The following CDH13 variants were observed in gnomAD, a reference collection of about 807,000 sequenced individuals.
CDH13 encodes the protein cadherin-13.
In CDH13, 24 loss-of-function variants were observed where a neutral mutation model predicts 63.8. The ratio of observed to expected loss-of-function variants is 0.38; its 90% CI spans 0.27 to 0.53. The LOEUF is 0.53. CDH13 is among the 20% of genes least tolerant of loss of function. The pLI, the probability that CDH13 is intolerant of heterozygous loss-of-function variation, is 0.85. For missense variants in CDH13, 1,049 were observed against 903.1 expected (o/e 1.16, Z -2.07); for synonymous variants, 503 against 355.3 (o/e 1.42, Z -4.67).
intron 13 of CDH13, among the ~76,000 whole-genome samples, chr16:83,788,620 C>T (rs1032194039): frequency 5.9e-5 from 9 of 152,182 alleles, no homozygotes; most frequent in African/African-American, 2.2e-4. Flanking sequence ...CTCAACTGAG[C>T]TCTTGGGTCA....
intron 10 of CDH13, among the ~76,000 whole-genome samples, chr16:83,698,803 T>G (rs1905774209): frequency 6.6e-6 from 1 of 152,224 alleles, no homozygotes; most frequent in Non-Finnish European, 1.5e-5. Context: ...ATAAACAATA[T>G]AGGTTTTATG....
At chr16:83,651,273 C>A (rs957902648) in intron 8 of CDH13, among the ~76,000 whole-genome samples, 1 of 152,140 alleles carries the variant, frequency 6.6e-6, no homozygotes, top group Non-Finnish European at 1.5e-5. Context: ...TTTCTTTGCT[C>A]ATGAAATTCC....
chr16:83,021,802 C>T (rs1047327645), intron 2 of CDH13, among the ~76,000 whole-genome samples: 2 of 152,190 alleles, frequency 1.3e-5, no homozygotes, highest in African/African-American at 4.8e-5. Context: ...CTTATAGAAG[C>T]TCTGCAATGT....
At chr16:82,931,755 A>G (rs2042502095) in intron 2 of CDH13, among the ~76,000 whole-genome samples, 2 of 152,194 alleles carry the variant, frequency 1.3e-5, no homozygotes, top group Admixed American at 1.3e-4. Flanking sequence ...CCCCTTATAG[A>G]AACATCAGAT....
intron 7 of CDH13, among the ~76,000 whole-genome samples, chr16:83,586,594 C>T (rs1022660342): frequency 1.1e-4 from 17 of 152,174 alleles, no homozygotes; most frequent in Non-Finnish European, 2.5e-4. Context: ...TGTTAAGAGG[C>T]TTAGCCCTTG....
At chr16:82,826,268 G>T (rs1018384588) in intron 1 of CDH13, 1 of 152,204 alleles carries the variant, frequency 6.6e-6, no homozygotes, top group African/African-American at 2.4e-5. Flanking sequence ...TCAGAGGGTT[G>T]CTTTCTCATG....
At chr16:83,481,575 A>T (rs1057169080) in intron 6 of CDH13, among the ~76,000 whole-genome samples, 1 of 152,172 alleles carries the variant, frequency 6.6e-6, no homozygotes. Context: ...CCTGGCCACA[A>T]GGAAGCGATC....
In CDH13 at chr16:82,982,290, A is replaced by G. The variant is rs142980750; in HGVS notation, c.158-49720A>G. ...AAATAATAAGATGTTATTTATGCCA[A>G]TAATATCTACAAGTTGACATTTTCC... On this transcript the variant is annotated intron_variant, in intron 2 of 13. Transcript: ENST00000567109. Among the ~76,000 whole-genome samples the G allele has an allele frequency of 4.4e-4, 67 of 152,278 alleles. No individual in the cohort carries two copies. In the East Asian group the frequency reaches 0.012, roughly 27 times the overall value.
chr16:83,447,921 G>A (rs1324730785), intron 6 of CDH13, among the ~76,000 whole-genome samples: 1 of 151,916 alleles, frequency 6.6e-6, no homozygotes, highest in Non-Finnish European at 1.5e-5. Flanking sequence ...TGCAGAAGTT[G>A]CCCCACCTCT....
intron 2 of CDH13, among the ~76,000 whole-genome samples, chr16:82,996,452 G>A (rs1416742461): frequency 6.6e-6 from 1 of 152,122 alleles, no homozygotes; most frequent in Middle Eastern, 3.2e-3. Flanking sequence ...GCATGGTCCT[G>A]CTTTATCTCT....
chr16:83,492,503 T>TA (rs2074037650), intron 7 of CDH13, among the ~76,000 whole-genome samples: 1 of 152,204 alleles, frequency 6.6e-6, no homozygotes, highest in Admixed American at 6.5e-5. Flanking sequence ...CCATTTTTTT[T>TA]ATCACTTGCT....
intron 7 of CDH13, among the ~76,000 whole-genome samples, chr16:83,558,081 T>C (rs1319007396): frequency 6.6e-6 from 1 of 152,184 alleles, no homozygotes; most frequent in Non-Finnish European, 1.5e-5. Context: ...TCTACAGGGC[T>C]CATTTCTTCC....
At chr16:82,748,188 T>A (rs2034261883) in intron 1 of CDH13, among the ~76,000 whole-genome samples, 1 of 152,124 alleles carries the variant, frequency 6.6e-6, no homozygotes, top group South Asian at 2.1e-4. Context: ...CCTGGCCACG[T>A]CTCTGTAGTG....
chr16:83,050,297 C>A (rs968549490), intron 3 of CDH13, among the ~76,000 whole-genome samples: 5 of 152,064 alleles, frequency 3.3e-5, no homozygotes, highest in African/African-American at 9.7e-5. Context: ...GAGAAACCAC[C>A]CAACTGTCCC....
At chr16:83,420,511 A>G (rs1393780957) in intron 6 of CDH13, among the ~76,000 whole-genome samples, 2 of 152,220 alleles carry the variant, frequency 1.3e-5, no homozygotes, top group South Asian at 4.1e-4. Context: ...TTCATTGCAC[A>G]AGCATTCTCA....
intron 6 of CDH13, among the ~76,000 whole-genome samples, chr16:83,392,544 G>C (rs755845279): frequency 1.8e-4 from 27 of 152,166 alleles, no homozygotes; most frequent in Non-Finnish European, 3.5e-4. Context: ...ACCACTCACA[G>C]TAAGAACATC....
chr16:83,701,514 G>A (rs796473997), intron 10 of CDH13, among the ~76,000 whole-genome samples: 3 of 152,118 alleles, frequency 2.0e-5, no homozygotes, highest in African/African-American at 2.4e-5. Flanking sequence ...TGCTTTCGCC[G>A]TGTGGGAGAC....
At chr16:83,262,552 C>G (rs942720736) in intron 5 of CDH13, among the ~76,000 whole-genome samples, 2 of 152,136 alleles carry the variant, frequency 1.3e-5, no homozygotes, top group African/African-American at 2.4e-5. Context: ...ATTAAAAGAC[C>G]TGGATTTTGC....
chr16:82,994,884 G>A (rs1434608180), intron 2 of CDH13, among the ~76,000 whole-genome samples: 1 of 152,142 alleles, frequency 6.6e-6, no homozygotes, highest in Non-Finnish European at 1.5e-5. Flanking sequence ...AGACAGATGG[G>A]TTTCATTTGG....
Sources: gnomAD v4.1 joint callset for allele counts (sites outside exome capture counted in the v4.1 genomes callset) on GRCh38, gnomAD v4.1.1 for gene constraint, MANE v1.5 for transcripts, NCBI Gene and HGNC (gene_info 2026-07-23, HGNC 2026-07-21) for gene names.